UBE3B: variants seen among roughly 807,000 people sequenced by gnomAD.
UBE3B encodes the protein ubiquitin-protein ligase E3B.
Under a neutral mutation model 132.3 loss-of-function variants are expected in UBE3B, and 80 were observed. The ratio of observed to expected loss-of-function variants is 0.60; its 90% CI spans 0.50 to 0.73. The LOEUF (loss-of-function observed/expected upper bound fraction) is 0.73. Among genes scored for constraint, UBE3B ranks in the 30% least tolerant of loss-of-function variants. The pLI, the probability that UBE3B is intolerant of heterozygous loss-of-function variation, is 0.00. For missense variants in UBE3B, 1,196 were observed against 1,362.5 expected, an observed-to-expected ratio of 0.88 and a Z score of 1.92; for synonymous variants, 487 against 520.4, an observed-to-expected ratio of 0.94 and a Z score of 0.87.
chr12:109,530,165 G>T (rs1882802224), intron 25 of UBE3B, 93 bp downstream of exon 25: 2 of 1,455,486 alleles, frequency 1.4e-6, no homozygotes, highest in Non-Finnish European at 1.9e-6. Flanking sequence ...GTTGTTTTAG[G>T]AGCCTGTCTC....
At chr12:109,488,062 C>G (rs2135812490) in intron 6 of UBE3B, among the ~76,000 whole-genome samples, 1 of 152,328 alleles carries the variant, frequency 6.6e-6, no homozygotes, top group African/African-American at 2.4e-5. Flanking sequence ...GCATCATACG[C>G]ATTAATCCAT....
intron 26 of UBE3B, among the ~76,000 whole-genome samples, chr12:109,531,102 G>A (rs1439478262): frequency 6.6e-6 from 1 of 152,108 alleles, no homozygotes; most frequent in Non-Finnish European, 1.5e-5. Context: ...CTACTCACCA[G>A]GGACTGTCTC....
chr12:109,519,346 C>T (rs924759545), intron 19 of UBE3B, among the ~76,000 whole-genome samples: 3 of 152,212 alleles, frequency 2.0e-5, no homozygotes, highest in Non-Finnish European at 4.4e-5. Flanking sequence ...ATATAATCCT[C>T]GCATATCCAC....
intron 12 of UBE3B, among the ~76,000 whole-genome samples, chr12:109,500,811 T>C (rs1878887589): frequency 6.6e-6 from 1 of 152,248 alleles, no homozygotes; most frequent in African/African-American, 2.4e-5. Context: ...GTGAAGCACC[T>C]ACCAGCAGGC....
chr12:109,508,185 C>G (rs1427515602), intron 15 of UBE3B, among the ~76,000 whole-genome samples: 1 of 152,216 alleles, frequency 6.6e-6, no homozygotes. Flanking sequence ...GACAATAGCA[C>G]ATACCTTTTA....
chr12:109,547,677 C>G, the UBE3B span, among the ~76,000 whole-genome samples: 2 of 152,184 alleles, frequency 1.3e-5, no homozygotes, highest in African/African-American at 4.8e-5. The surrounding 1 kb of genome is among the most constrained non-coding windows in gnomAD (Gnocchi z 4.1). Flanking sequence ...ACAGCGAAAC[C>G]ACGTTTCCTT....
intron 6 of UBE3B, among the ~76,000 whole-genome samples, chr12:109,488,138 C>T (rs1357904091): frequency 2.6e-5 from 4 of 152,170 alleles, no homozygotes; most frequent in Admixed American, 6.5e-5. Context: ...ATGAGGAAAC[C>T]GAGGCACAGA....
intron 24 of UBE3B, among the ~76,000 whole-genome samples, chr12:109,529,020 G>T (rs1433186121): frequency 2.0e-5 from 3 of 151,992 alleles, no homozygotes; most frequent in African/African-American, 7.3e-5. Flanking sequence ...AATTAACTGG[G>T]TGTGGTGGTG....
At chr12:109,485,386 G>A (rs1876252102) in intron 4 of UBE3B, among the ~76,000 whole-genome samples, 1 of 152,250 alleles carries the variant, frequency 6.6e-6, no homozygotes, top group Non-Finnish European at 1.5e-5. Context: ...TATGCAGGCA[G>A]TGAACACATG....
In UBE3B at chr12:109,488,497, A is replaced by G. The variant is rs990021547; in HGVS notation, c.448-75A>G. 1.8e-5 allele frequency: 23 copies of G among 1,293,350 alleles called. No homozygotes were observed. The African/African-American group carries it at 3.2e-4, about 18-fold the overall frequency. 80.1% of individuals were successfully genotyped at this position (1,293,350 alleles called of 1,614,324 possible). A position where few individuals can be genotyped will look rare whatever the true frequency, so the allele number is the denominator to read the frequency against. ...ATTCCAGGCTGAGTGCCCATAGAGC[A>G]GTTGTAAAGTGAACACTTCACTGTC... is the stretch of plus-strand genomic sequence containing the variant. On this transcript the variant is annotated intron_variant, in intron 6 of 27. Coordinates refer to ENST00000342494, the MANE Select transcript of UBE3B (RefSeq NM_130466.4).
In UBE3B at chr12:109,533,438, TCCCCACTGA is replaced by T. The variant is rs768854577; in HGVS notation, c.2923-24_2923-16del. 2.5e-6 allele frequency: 4 copies of T among 1,602,932 alleles called. No individual in the cohort carries two copies. In the African/African-American group the frequency reaches 5.4e-5, roughly 21 times the overall value. ...CCTGGAAGAGCAGGAGCCTGCCCCGTCCCCACTGACCCTGCTTTGTGTTGCAGTTCGTGA... is the reference window on the plus strand; with the variant it reads ...CCTGGAAGAGCAGGAGCCTGCCCCGTCCCTGCTTTGTGTTGCAGTTCGTGA... On this transcript the variant is annotated intron_variant, in intron 26 of 27. Coordinates refer to ENST00000342494, the MANE Select transcript of UBE3B (RefSeq NM_130466.4).
At chr12:109,508,063 A>G (rs1879909174) in intron 15 of UBE3B, among the ~76,000 whole-genome samples, 1 of 152,154 alleles carries the variant, frequency 6.6e-6, no homozygotes, top group South Asian at 2.1e-4. Flanking sequence ...GGAAAATTCC[A>G]AAGTCAGAGC....
chr12:109,497,663 A>G (rs1878401977), intron 9 of UBE3B, among the ~76,000 whole-genome samples, 155 bp from the exon 10 acceptor site: 1 of 152,126 alleles, frequency 6.6e-6, no homozygotes, highest in African/African-American at 2.4e-5. Context: ...TGACTTGTCC[A>G]TTTCCCCAGT....
chr12:109,529,141 A>T (rs906124147), intron 24 of UBE3B, among the ~76,000 whole-genome samples: 1 of 152,250 alleles, frequency 6.6e-6, no homozygotes, highest in Non-Finnish European at 1.5e-5. Context: ...AGCCTGGGTG[A>T]CGGAGTGAGA....
At chr12:109,483,035 G>A (rs1346771399) in intron 2 of UBE3B, among the ~76,000 whole-genome samples, 1 of 152,206 alleles carries the variant, frequency 6.6e-6, no homozygotes, top group African/African-American at 2.4e-5. Flanking sequence ...GTGAATGGAT[G>A]AATACAATGA....
intron 18 of UBE3B, among the ~76,000 whole-genome samples, chr12:109,514,729 A>G (rs1880792733): frequency 6.6e-6 from 1 of 151,618 alleles, no homozygotes; most frequent in Non-Finnish European, 1.5e-5. Context: ...CTTCATTCCT[A>G]TCACCAGCCT....
rs1460968311 is a variant in UBE3B, at chr12:109,521,256, G to A, written c.2185G>A (p.Gly729Ser). 3.7e-6 allele frequency: 6 copies of A among 1,614,078 alleles called. No individual in the cohort carries two copies. The highest frequency in any genetic ancestry group is 1.3e-5 in the African/African-American group (1 of 74,922). Reference protein sequence around the residue: ...GVDEAGIDQDGVFKEFLEEII... With the variant: ...GVDEAGIDQDSVFKEFLEEII... ...GGACGAAGCAGGGATTGATCAAGAC[G>A]GTGTTTTTAAGGAGTTCTTGGAAGA... Residue 729 changes from glycine (G) to serine (S), a missense_variant, in exon 20 of 28, where the codon GGT becomes AGT. By Grantham distance (56) the Gly-to-Ser change is moderately conservative. Transcript: ENST00000342494. The surrounding 1 kb of genome is among the most constrained non-coding windows in gnomAD (Gnocchi z 4.2).
chr12:109,506,600 C>T (rs953111462), intron 14 of UBE3B, among the ~76,000 whole-genome samples: 2 of 152,224 alleles, frequency 1.3e-5, no homozygotes, highest in African/African-American at 2.4e-5. Flanking sequence ...ATCCACCCGC[C>T]TCAGCCTCCC....
chr12:109,481,295 G>A (rs1192085300), intron 1 of UBE3B, among the ~76,000 whole-genome samples: 6 of 148,476 alleles, frequency 4.0e-5, no homozygotes, highest in African/African-American at 7.5e-5. Flanking sequence ...CAACCTCAGC[G>A]ACAGAGTGAG....
Sources: allele counts gnomAD v4.1 joint callset (sites outside exome capture counted in the v4.1 genomes callset), GRCh38; gene constraint gnomAD v4.1.1; non-coding constraint Gnocchi (gnomAD v3.1); transcripts MANE v1.5; gene names NCBI Gene and HGNC (gene_info 2026-07-23, HGNC 2026-07-21).